Variants in ATP11A observed in about 807,000 individuals in gnomAD.
ATP11A encodes phospholipid-transporting ATPase IH.
A neutral mutation model predicts 154.4 loss-of-function variants in ATP11A; 81 were observed. The observed-to-expected ratio is 0.52, with a 90% confidence interval of 0.44 to 0.63. ATP11A has a LOEUF of 0.63. Ranked by LOEUF, ATP11A falls within the 30% of genes least tolerant of loss-of-function variation. ATP11A has a pLI of 0.00. For missense variants in ATP11A, 1,316 were observed against 1,474.3 expected (o/e 0.89, Z 1.76); for synonymous variants, 623 against 585.9 (o/e 1.06, Z -0.91).
chr13:112,840,907 G>C (rs2079395670), intron 16 of ATP11A, among the ~76,000 whole-genome samples: 1 of 152,140 alleles, frequency 6.6e-6, no homozygotes, highest in Admixed American at 6.5e-5. Context: ...GCCCACTCTG[G>C]GGCCCTCTGG....
At chr13:112,774,426 G>T (rs1460733060) in intron 1 of ATP11A, among the ~76,000 whole-genome samples, 1 of 152,184 alleles carries the variant, frequency 6.6e-6, no homozygotes, top group Non-Finnish European at 1.5e-5. Context: ...TATTATATTT[G>T]GAGAAATGGG....
In ATP11A at chr13:112,754,631, A is replaced by C. The variant is rs1172705784; in HGVS notation, c.40-30504A>C. ...GGGCCTCCTGGAGAGGTTGAGCCCC[A>C]GACTCCTGGGAAGCTGTTCCCCCAC... On this transcript the variant is annotated intron_variant, in intron 1 of 29. Transcript: ENST00000375645. This position sits in a 1 kb window ranked among gnomAD's most constrained non-coding sequence, Gnocchi z 5.3. 6.6e-6 allele frequency: 1 copy of C among 152,582 alleles called. No homozygotes were observed. Among genetic ancestry groups the C allele is most frequent in the Non-Finnish European group, 1.5e-5 (1 of 68,550 alleles). 9.5% of individuals were successfully genotyped at this position (152,582 alleles called of 1,614,324 possible).
At chr13:112,749,314 C>G (rs1594532980) in intron 1 of ATP11A, among the ~76,000 whole-genome samples, 1 of 152,206 alleles carries the variant, frequency 6.6e-6, no homozygotes, top group African/African-American at 2.4e-5. Flanking sequence ...TTAAGAACTT[C>G]TGCCACGCTT....
At chr13:112,788,278 A>G (rs1200427778) in intron 2 of ATP11A, among the ~76,000 whole-genome samples, 20 of 134,190 alleles carry the variant, frequency 1.5e-4, no homozygotes, top group African/African-American at 5.5e-4. Flanking sequence ...CACACCGGGT[A>G]TTCTGACATG....
At position 112,859,062 on chromosome 13, in the gene ATP11A, T is replaced by C. The variant is rs2080022247; in HGVS notation, c.2668-331T>C. 1.3e-5 allele frequency: 4 copies of C among 303,854 alleles called. No individual in the cohort carries two copies. Among genetic ancestry groups the C allele is most frequent in the South Asian group, 1.2e-4 (4 of 32,266 alleles). 18.8% of individuals were successfully genotyped at this position (303,854 alleles called of 1,614,324 possible). ...TGAGTGTGGAACCAGTGAGAACCTTTCAGGTGGAAATGTTTGAGGAAGGAT... is the reference window on the plus strand; with the variant it reads ...TGAGTGTGGAACCAGTGAGAACCTTCCAGGTGGAAATGTTTGAGGAAGGAT... On this transcript the variant is annotated intron_variant, in intron 22 of 29. Coordinates refer to ENST00000375645, the MANE Select transcript of ATP11A (RefSeq NM_015205.3). This position sits in a 1 kb window ranked among gnomAD's most constrained non-coding sequence, Gnocchi z 4.3.
chr13:112,798,321 C>T (rs1328915173), intron 2 of ATP11A, among the ~76,000 whole-genome samples: 1 of 152,162 alleles, frequency 6.6e-6, no homozygotes, highest in Non-Finnish European at 1.5e-5. Flanking sequence ...CTTTTAGAGA[C>T]GTGATCTCAC....
intron 14 of ATP11A, among the ~76,000 whole-genome samples, chr13:112,833,858 G>T (rs2079161129): frequency 6.6e-6 from 1 of 152,176 alleles, no homozygotes; most frequent in South Asian, 2.1e-4. Context: ...AGAAGTCAGG[G>T]CAGGCTACCC....
At chr13:112,788,368 C>CG (rs1444646687) in intron 2 of ATP11A, among the ~76,000 whole-genome samples, 1 of 149,582 alleles carries the variant, frequency 6.7e-6, no homozygotes, top group Non-Finnish European at 1.5e-5. Flanking sequence ...TAATTCACAC[C>CG]GGTGTCCTAA....
chr13:112,845,764 C>T lies in ATP11A; in HGVS notation c.1809+3385C>T, dbSNP rs77649763. On this transcript the variant is annotated intron_variant, in intron 17 of 29. Coordinates refer to ENST00000375645, the MANE Select transcript of ATP11A (RefSeq NM_015205.3). ...TAGCGGTACTAACCAGTCCAGTTGC[C>T]GGCACTAGCGGTACTAACCAGTCCA... is the stretch of plus-strand genomic sequence containing the variant. Among the ~76,000 whole-genome samples, 55 of 42,414 alleles carry T rather than the reference C, an allele frequency of 1.3e-3. 7 individuals are homozygous for T. The highest frequency in any genetic ancestry group is 0.01 in the African/African-American group (50 of 4,938). The allele number at this position is 42,414 out of a possible 152,430, so 27.8% of individuals were successfully genotyped here.
intron 9 of ATP11A, among the ~76,000 whole-genome samples, chr13:112,824,030 G>A (rs2078867657): frequency 6.6e-6 from 1 of 152,006 alleles, no homozygotes; most frequent in Non-Finnish European, 1.5e-5. Context: ...TTTTATTGGG[G>A]ATTTTTTTCA....
chr13:112,733,083 A>G (rs533759288), intron 1 of ATP11A, among the ~76,000 whole-genome samples: 5 of 152,256 alleles, frequency 3.3e-5, no homozygotes, highest in Non-Finnish European at 5.9e-5. Context: ...TTTCATTGTT[A>G]AATTGGGCAT....
chr13:112,873,653 G>A lies in ATP11A; in HGVS notation c.3138G>A (p.Ser1046=), dbSNP rs1320525. Residue 1046 remains serine (S), a synonymous_variant, in exon 27 of 30, where the codon TCG becomes TCA. Transcript: ENST00000375645. ...CGCTGCTGTTCTACGTTGTCTTTTC[G>A]CTTCTCTGGGGAGGAGTGATCTGGT... ...WGSLLFYVVF[S]LLWGGVIWPF... is the part of the protein sequence containing the mutation. 0.39 allele frequency: 623,657 copies of A among 1,611,098 alleles called. 121,889 individuals carry two copies. Among genetic ancestry groups the A allele is most frequent in the Middle Eastern group, 0.44 (2,679 of 6,048 alleles).
intron 1 of ATP11A, among the ~76,000 whole-genome samples, chr13:112,780,512 GTGTA>G (rs1388961119): frequency 6.6e-6 from 1 of 152,174 alleles, no homozygotes; most frequent in African/African-American, 2.4e-5. Context: ...CTTCCTTTCC[GTGTA>G]TCCCTTCATC....
At chr13:112,726,039 T>G (rs1236279949) in intron 1 of ATP11A, among the ~76,000 whole-genome samples, 2 of 152,270 alleles carry the variant, frequency 1.3e-5, no homozygotes, top group African/African-American at 4.8e-5. Flanking sequence ...TCTGCTTCTG[T>G]AAACGCAGCT....
intron 1 of ATP11A, among the ~76,000 whole-genome samples, chr13:112,712,031 G>A (rs1371370291): frequency 1.3e-5 from 2 of 152,200 alleles, no homozygotes; most frequent in Non-Finnish European, 2.9e-5. Flanking sequence ...AGAACAGCTG[G>A]CTGCAGTGTC....
At chr13:112,706,601 AGATT>A (rs1223724499) in intron 1 of ATP11A, among the ~76,000 whole-genome samples, 3 of 152,348 alleles carry the variant, frequency 2.0e-5, no homozygotes, top group African/African-American at 7.2e-5. Context: ...ATGAAGAAAT[AGATT>A]GATTAATTTG....
At chr13:112,823,920 C>T (rs1356486884) in intron 9 of ATP11A, among the ~76,000 whole-genome samples, 2 of 152,150 alleles carry the variant, frequency 1.3e-5, no homozygotes, top group Non-Finnish European at 2.9e-5. Flanking sequence ...CATGTCTGCC[C>T]CTGTAGTTCA....
At chr13:112,769,394 C>T (rs537253870) in intron 1 of ATP11A, among the ~76,000 whole-genome samples, 5 of 152,360 alleles carry the variant, frequency 3.3e-5, no homozygotes, top group South Asian at 2.1e-4. Context: ...ACTCTCTGCC[C>T]GCTGCGTTTG....
chr13:112,708,570 T>C (rs980564436), intron 1 of ATP11A, among the ~76,000 whole-genome samples: 2 of 152,240 alleles, frequency 1.3e-5, no homozygotes, highest in African/African-American at 4.8e-5. Context: ...GGCTTTTCCT[T>C]AGCACCCTCA....
Sources: gnomAD v4.1 joint callset for allele counts (sites outside exome capture counted in the v4.1 genomes callset) on GRCh38, gnomAD v4.1.1 for gene constraint, Gnocchi (gnomAD v3.1) non-coding constraint, MANE v1.5 for transcripts, NCBI Gene and HGNC (gene_info 2026-07-23, HGNC 2026-07-21) for gene names.